PLA2R1: variants seen among roughly 807,000 people sequenced by gnomAD.
PLA2R1 encodes secretory phospholipase A2 receptor.
PLA2R1 carries 158 observed loss-of-function variants against 195.9 expected under a neutral mutation model. That is an observed-to-expected ratio of 0.81 (90% CI 0.71 to 0.92). The LOEUF (loss-of-function observed/expected upper bound fraction) is 0.92. Among genes scored for constraint, PLA2R1 ranks in the 40% least tolerant of loss-of-function variants. The pLI, the probability that PLA2R1 is intolerant of heterozygous loss-of-function variation, is 0.00. For missense variants in PLA2R1, 1,626 were observed against 1,764.6 expected (o/e 0.92, Z 1.41); for synonymous variants, 586 against 598.2 (o/e 0.98, Z 0.30).
At chr2:160,031,559 T>C (rs759270281) in intron 4 of PLA2R1, among the ~76,000 whole-genome samples, 5 of 152,130 alleles carry the variant, frequency 3.3e-5, no homozygotes, top group Non-Finnish European at 7.4e-5. Flanking sequence ...GGAATTTGCA[T>C]TGTTATTATT....
At position 159,938,430 on chromosome 2, in the gene PLA2R1, C is replaced by A; in HGVS notation, c.*3348G>T. On this transcript the variant is annotated 3_prime_UTR_variant, in exon 30 of 30. Coordinates refer to ENST00000283243, the MANE Select transcript of PLA2R1 (RefSeq NM_007366.5). ...TGCTATGGCATTTCGCCTTTCTGGA[C>A]GAAAAGAGTAGCTAATGGTAGCTAA... is the stretch of plus-strand genomic sequence containing the variant. 6.6e-6 allele frequency: 1 copy of A among 152,298 alleles called. No individual in the cohort carries two copies. The highest frequency in any genetic ancestry group is 1.5e-5 in the Non-Finnish European group (1 of 68,058). The allele number at this position is 152,298 out of a possible 1,614,324, so 9.4% of individuals were successfully genotyped here. A position where few individuals can be genotyped will look rare whatever the true frequency, so the allele number is the denominator to read the frequency against.
intron 1 of PLA2R1, among the ~76,000 whole-genome samples, chr2:160,047,944 G>A (rs917799704): frequency 6.6e-6 from 1 of 152,170 alleles, no homozygotes; most frequent in African/African-American, 2.4e-5. Context: ...TCCCATCTCA[G>A]CCTCCTGAGT....
chr2:159,992,678 T>C (rs1459965029), intron 11 of PLA2R1, among the ~76,000 whole-genome samples: 1 of 151,654 alleles, frequency 6.6e-6, no homozygotes, highest in Non-Finnish European at 1.5e-5. Flanking sequence ...GAAGTTCATA[T>C]GGAACCAAAA....
intron 6 of PLA2R1, among the ~76,000 whole-genome samples, chr2:160,023,808 G>A (rs980768700): frequency 3.9e-5 from 6 of 152,132 alleles, no homozygotes; most frequent in Non-Finnish European, 5.9e-5. Context: ...ACATTTTCAC[G>A]AAGGCAGCTG....
rs775442028 is a variant in PLA2R1, at chr2:159,941,800, T to C, written c.4370A>G (p.Asp1457Gly). 6.3e-7 allele frequency: 1 copy of C among 1,598,338 alleles called. No individual in the cohort carries two copies. Among genetic ancestry groups the C allele is most frequent in the Non-Finnish European group, 8.6e-7 (1 of 1,165,982 alleles). ...TTATTATTGGTCACTCTTCTCAAGATCAGAAATGAGAATATTTTCTTCTAA... is the reference window on the plus strand; with the variant it reads ...TTATTATTGGTCACTCTTCTCAAGACCAGAAATGAGAATATTTTCTTCTAA... ...VYLEENILIS[D>G]LEKSDQ is the part of the protein sequence containing the mutation. Residue 1457 changes from aspartate to glycine, a missense_variant, in exon 30 of 30, where the codon GAT (aspartate) becomes GGT (glycine). Physicochemically the swap from Asp to Gly is moderately conservative, Grantham distance 94 (BLOSUM62 -1). Coordinates refer to ENST00000283243, the MANE Select transcript of PLA2R1 (RefSeq NM_007366.5).
At chr2:160,009,864 T>C (rs1175238213) in intron 10 of PLA2R1, among the ~76,000 whole-genome samples, 3 of 152,162 alleles carry the variant, frequency 2.0e-5, no homozygotes, top group Non-Finnish European at 2.9e-5. Flanking sequence ...TCCCAGCACT[T>C]TGAGAGGCCG....
intron 17 of PLA2R1, among the ~76,000 whole-genome samples, chr2:159,975,407 GTTTC>G (rs1200971273): frequency 6.6e-6 from 1 of 152,070 alleles, no homozygotes; most frequent in African/African-American, 2.4e-5. Context: ...GGTCTTACAT[GTTTC>G]TTTCTTACTA....
At chr2:159,971,904 C>A (rs2105251108) in intron 17 of PLA2R1, among the ~76,000 whole-genome samples, 1 of 152,216 alleles carries the variant, frequency 6.6e-6, no homozygotes, top group Non-Finnish European at 1.5e-5. Flanking sequence ...GATGGAACAA[C>A]TGTAATTTTG....
At chr2:159,974,372 A>G (rs1689393768) in intron 17 of PLA2R1, among the ~76,000 whole-genome samples, 1 of 152,190 alleles carries the variant, frequency 6.6e-6, no homozygotes, top group South Asian at 2.1e-4. Context: ...CTCACCTGTA[A>G]AAATGTACTA....
intron 2 of PLA2R1, 100 bp downstream of exon 2, chr2:160,044,674 G>C: frequency 9.8e-7 from 1 of 1,015,878 alleles, no homozygotes; most frequent in Non-Finnish European, 1.5e-6. Context: ...GAGGGTCCAG[G>C]CTTCGTGTAC....
chr2:159,995,648 G>C (rs995113495), intron 11 of PLA2R1, among the ~76,000 whole-genome samples: 3 of 151,984 alleles, frequency 2.0e-5, no homozygotes, highest in African/African-American at 7.2e-5. Context: ...TGGAGCTATG[G>C]AAAGTCACCA....
Position 160,044,800 on chromosome 2 carries a change from C to T in PLA2R1, c.467G>A (p.Gly156Glu). 1 of 1,612,516 alleles carries T rather than the reference C, an allele frequency of 6.2e-7. No homozygotes were observed. Among genetic ancestry groups the T allele is most frequent in the Non-Finnish European group, 8.5e-7 (1 of 1,178,814 alleles). Reference protein sequence around the residue: ...HKWISYGSGGGDICEYLHKDL... With the variant: ...HKWISYGSGGEDICEYLHKDL... ...TTTGTGTAGATATTCACAAATGTCT[C>T]CACCACCTGACCCATAAGAAATCCA... Residue 156 changes from glycine to glutamate, a missense_variant, in exon 2 of 30, where the codon GGA (glycine) becomes GAA (glutamate). By Grantham distance (98) the Gly-to-Glu change is moderately conservative. Transcript: ENST00000283243.
rs1560160516 is a variant in PLA2R1 at position 159,970,222 on chromosome 2, G to A, written c.2596-10C>T. 2 of 1,594,544 alleles carry A rather than the reference G, an allele frequency of 1.3e-6. No individual in the cohort carries two copies. Among genetic ancestry groups the A allele is most frequent in the Middle Eastern group, 1.7e-4 (1 of 5,984 alleles). The stretch of plus-strand genomic sequence containing the variant: ...CACCATACTTTGATAGCTATTGAAA[G>A]AAAAAAAGTCAGCATTTATTCTACT... On this transcript the variant is annotated splice_polypyrimidine_tract_variant and intron_variant, in intron 17 of 29. Coordinates refer to ENST00000283243, the MANE Select transcript of PLA2R1 (RefSeq NM_007366.5).
Position 159,940,148 on chromosome 2 carries a change from C to G in PLA2R1, c.*1630G>C, listed in dbSNP as rs1687024069. On this transcript the variant is annotated 3_prime_UTR_variant, in exon 30 of 30. Transcript: ENST00000283243. Reference sequence around the variant, plus strand: ...TTCATACTTTCTCTCAGAGCTCCCCCTTGTGATTAGTGGCCACTGGTTTTG... The same window carrying G: ...TTCATACTTTCTCTCAGAGCTCCCCGTTGTGATTAGTGGCCACTGGTTTTG... 6.6e-6 allele frequency: 1 copy of G among 152,118 alleles called. No individual in the cohort carries two copies. Among genetic ancestry groups the G allele is most frequent in the Non-Finnish European group, 1.5e-5 (1 of 68,018 alleles). The allele number at this position is 152,118 out of a possible 1,614,324, so 9.4% of individuals were successfully genotyped here.
rs547985799 is a variant in PLA2R1, at chr2:160,033,081, T to C, written c.719A>G (p.His240Arg). ...DTIWEKDLNS[H>R]ICYQFNLLSS... The stretch of plus-strand genomic sequence containing the variant: ...AAGCAGGTTGAACTGGTAGCAAATG[T>C]GTGAATTGAGGTCCTTCTCCCAAAT... The change falls in exon 4 of 30, where the codon CAC becomes CGC. Residue 240 changes from histidine (H) to arginine (R), a missense_variant. His to Arg is a conservative substitution (Grantham distance 29). Transcript: ENST00000283243. 9.3e-6 allele frequency: 15 copies of C among 1,613,374 alleles called. No individual in the cohort carries two copies. In the East Asian group the frequency reaches 2.9e-4, roughly 31 times the overall value.
At position 159,941,727 on chromosome 2, in the gene PLA2R1, T is replaced by G; in HGVS notation, c.*51A>C. 1.1e-6 allele frequency: 1 copy of G among 950,508 alleles called. No individual in the cohort carries two copies. Among genetic ancestry groups the G allele is most frequent in the Non-Finnish European group, 1.7e-6 (1 of 592,554 alleles). 58.9% of individuals were successfully genotyped at this position (950,508 alleles called of 1,614,324 possible). On this transcript the variant is annotated 3_prime_UTR_variant, in exon 30 of 30. Coordinates refer to ENST00000283243, the MANE Select transcript of PLA2R1 (RefSeq NM_007366.5). ...AAGGGAAAGACAGATGAGACTCCTGTTTAGTCTTCTTTACTTACCCTGGTG... is the reference window on the plus strand; with the variant it reads ...AAGGGAAAGACAGATGAGACTCCTGGTTAGTCTTCTTTACTTACCCTGGTG...
chr2:160,045,953 C>T (rs778667622), intron 1 of PLA2R1, among the ~76,000 whole-genome samples: 26 of 152,168 alleles, frequency 1.7e-4, no homozygotes, highest in African/African-American at 5.1e-4. Flanking sequence ...CTCTCCTCCC[C>T]GGAGCTGGAA....
At chr2:160,007,594 G>C (rs1046283267) in intron 10 of PLA2R1, among the ~76,000 whole-genome samples, 1 of 152,208 alleles carries the variant, frequency 6.6e-6, no homozygotes, top group Admixed American at 6.5e-5. Context: ...CCAGAAGAAA[G>C]TTAAGAAAAT....
At chr2:159,989,228 C>T (rs994165693) in intron 11 of PLA2R1, among the ~76,000 whole-genome samples, 21 of 152,176 alleles carry the variant, frequency 1.4e-4, no homozygotes, top group African/African-American at 4.6e-4. Context: ...TATGCAACTG[C>T]CCCTGCCATT....
Sources: allele counts gnomAD v4.1 joint callset (sites outside exome capture counted in the v4.1 genomes callset), GRCh38; gene constraint gnomAD v4.1.1; transcripts MANE v1.5; gene names NCBI Gene and HGNC (gene_info 2026-07-23, HGNC 2026-07-21).